R3HDM1: variants seen among roughly 807,000 people sequenced by gnomAD.
R3HDM1 encodes R3H domain-containing protein 1.
In R3HDM1, 46 loss-of-function variants were observed where a neutral mutation model predicts 141.1. The ratio of observed to expected loss-of-function variants is 0.33; its 90% CI spans 0.26 to 0.42. The LOEUF is 0.42. Among genes scored for constraint, R3HDM1 ranks in the 10% least tolerant of loss-of-function variants. The pLI is 1.00. For missense variants in R3HDM1, 1,184 were observed against 1,368.3 expected (o/e 0.87, Z 2.12); for synonymous variants, 435 against 472.9 (o/e 0.92, Z 1.04).
intron 1 of R3HDM1, among the ~76,000 whole-genome samples, chr2:135,589,473 C>T (rs1708722717): frequency 6.6e-6 from 1 of 152,180 alleles, no homozygotes; most frequent in African/African-American, 2.4e-5. Context: ...AAATCATCAT[C>T]TCTAAATCTT....
At chr2:135,720,875 T>C (rs1463399116) in intron 24 of R3HDM1, among the ~76,000 whole-genome samples, 3 of 152,242 alleles carry the variant, frequency 2.0e-5, no homozygotes, top group Admixed American at 6.5e-5. Context: ...ATCCAGAGTT[T>C]CTTCCTTCCT....
At position 135,631,851 on chromosome 2, in the gene R3HDM1, G is replaced by A. The variant is rs199895581; in HGVS notation, c.558-10G>A. ...TTGACTTACTAAGTTGGTTTTTCTT[G>A]TGCTTCTAGGTCTCCACGTAAAAAA... On this transcript the variant is annotated splice_polypyrimidine_tract_variant and intron_variant, in intron 8 of 26. Coordinates refer to ENST00000683871, the MANE Select transcript of R3HDM1 (RefSeq NM_001378107.1). The A allele has an allele frequency of 6.6e-4, 1,061 of 1,598,244 alleles. No individual in the cohort carries two copies. Among genetic ancestry groups the A allele is most frequent in the Admixed American group, 1.2e-3 (70 of 56,610 alleles).
At chr2:135,638,473 T>G in intron 11 of R3HDM1, 145 bp from the exon 12 acceptor site, 1 of 774,376 alleles carries the variant, frequency 1.3e-6, no homozygotes, top group Non-Finnish European at 2.0e-6. Flanking sequence ...AGAAAAAAAA[T>G]TCCATTATTA....
rs1005532972 is a variant in R3HDM1 at position 135,635,988 on chromosome 2, A to G, written c.797A>G (p.Asp266Gly). 6.2e-7 allele frequency: 1 copy of G among 1,611,486 alleles called. No individual in the cohort carries two copies. Among genetic ancestry groups the G allele is most frequent in the Non-Finnish European group, 8.5e-7 (1 of 1,179,112 alleles). The change falls in exon 10 of 27, where the codon GAT becomes GGT. Residue 266 changes from aspartate (D) to glycine (G), a missense_variant. Transcript: ENST00000683871. ...LKRDNSSFDK[D>G]DNQMRIRLKD... is the part of the protein sequence containing the mutation. The stretch of plus-strand genomic sequence containing the variant: ...AGAGATAACTCTAGCTTTGACAAAG[A>G]TGATAACCAGGTAATCTAGAACAAT...
chr2:135,569,281 G>A (rs1277117317), intron 1 of R3HDM1, among the ~76,000 whole-genome samples: 4 of 151,892 alleles, frequency 2.6e-5, no homozygotes, highest in Non-Finnish European at 5.9e-5. Flanking sequence ...TCAGGAGTTC[G>A]AGACCAGCCT....
intron 2 of R3HDM1, among the ~76,000 whole-genome samples, chr2:135,603,141 T>C (rs1344025836): frequency 6.6e-6 from 1 of 152,008 alleles, no homozygotes; most frequent in African/African-American, 2.4e-5. Context: ...AGGCACGTGC[T>C]ACCATGCCCA....
At chr2:135,607,667 C>G (rs1423389413) in intron 3 of R3HDM1, among the ~76,000 whole-genome samples, 1 of 152,110 alleles carries the variant, frequency 6.6e-6, no homozygotes, top group Non-Finnish European at 1.5e-5. Flanking sequence ...ATTTCTTTTC[C>G]TAGATCATGC....
intron 21 of R3HDM1, among the ~76,000 whole-genome samples, chr2:135,689,745 C>G (rs1008597967): frequency 2.0e-5 from 3 of 152,054 alleles, no homozygotes; most frequent in African/African-American, 7.2e-5. Context: ...TCACTTTAAG[C>G]GAGCAAAGTA....
At chr2:135,649,027 CTAT>C (rs2064808734) in intron 16 of R3HDM1, 1 of 149,674 alleles carries the variant, frequency 6.7e-6, no homozygotes, top group African/African-American at 2.4e-5. Context: ...GTTCCTTAGG[CTAT>C]TATTCTTAAT....
intron 1 of R3HDM1, among the ~76,000 whole-genome samples, chr2:135,568,158 G>T (rs1703227298): frequency 6.6e-6 from 1 of 151,904 alleles, no homozygotes; most frequent in African/African-American, 2.4e-5. Context: ...CCAGACTCAG[G>T]TGATTCTCCC....
At chr2:135,590,875 CAGAA>C (rs895639703) in intron 1 of R3HDM1, 2 of 293,270 alleles carry the variant, frequency 6.8e-6, no homozygotes, top group African/African-American at 2.3e-5. Context: ...TGCTCTTTGA[CAGAA>C]AGAAGAAATC....
chr2:135,611,264 A>G (rs1265270619), intron 3 of R3HDM1, among the ~76,000 whole-genome samples: 2 of 150,472 alleles, frequency 1.3e-5, no homozygotes, highest in East Asian at 2.0e-4. Context: ...TCTACAAAAA[A>G]ACACAAACAA....
At chr2:135,594,981 C>CT (rs1207756312) in intron 1 of R3HDM1, among the ~76,000 whole-genome samples, 2 of 151,556 alleles carry the variant, frequency 1.3e-5, no homozygotes, top group South Asian at 4.2e-4. Context: ...TTCTACACCC[C>CT]CCCCCCTTTT....
intron 9 of R3HDM1, among the ~76,000 whole-genome samples, chr2:135,634,728 G>T (rs899839208): frequency 6.6e-6 from 1 of 152,084 alleles, no homozygotes; most frequent in East Asian, 1.9e-4. Flanking sequence ...GATTTATTTG[G>T]ATTAGAAATT....
intron 1 of R3HDM1, among the ~76,000 whole-genome samples, chr2:135,596,392 C>CA: frequency 6.6e-6 from 1 of 152,022 alleles, no homozygotes; most frequent in African/African-American, 2.4e-5. Flanking sequence ...ATGTCATAAA[C>CA]AAAAAAAGGA....
chr2:135,635,108 A>G (rs1410588211), intron 9 of R3HDM1, among the ~76,000 whole-genome samples: 1 of 152,212 alleles, frequency 6.6e-6, no homozygotes, highest in Non-Finnish European at 1.5e-5. Context: ...TCTATAAAAG[A>G]ACATCTCTTT....
chr2:135,702,483 A>G (rs1027938988), intron 21 of R3HDM1, among the ~76,000 whole-genome samples: 3 of 151,542 alleles, frequency 2.0e-5, no homozygotes, highest in African/African-American at 7.3e-5. Context: ...ACACGATGAA[A>G]CCCCATCTCT....
chr2:135,628,826 G>A (rs1261382875), intron 7 of R3HDM1, among the ~76,000 whole-genome samples: 1 of 151,830 alleles, frequency 6.6e-6, no homozygotes, highest in Non-Finnish European at 1.5e-5. Context: ...GGGTTTCTCC[G>A]TGTTGGTCAG....
chr2:135,628,467 T>G (rs1267483981), intron 7 of R3HDM1, among the ~76,000 whole-genome samples: 2 of 152,258 alleles, frequency 1.3e-5, no homozygotes, highest in Non-Finnish European at 2.9e-5. Flanking sequence ...TGTTAGATTC[T>G]GTTATTTCAT....
Sources: allele counts gnomAD v4.1 joint callset (sites outside exome capture counted in the v4.1 genomes callset), GRCh38; gene constraint gnomAD v4.1.1; transcripts MANE v1.5; gene names NCBI Gene and HGNC (gene_info 2026-07-23, HGNC 2026-07-21).